RMI2: variants seen among roughly 807,000 people sequenced by gnomAD.
The protein encoded by RMI2 is RecQ mediated genome instability 2, also known as recQ-mediated genome instability protein 2.
A neutral mutation model predicts 8.4 loss-of-function variants in RMI2; 11 were observed. The observed-to-expected ratio is 1.32, with a 90% CI of 0.83 to 2.18. RMI2 has a LOEUF of 2.18. Among genes scored for constraint, RMI2 ranks in the 30% most tolerant of loss-of-function variants. The pLI, the probability that RMI2 is intolerant of heterozygous loss-of-function variation, is 0.00. For synonymous variants in RMI2, 105 were observed against 93.8 expected (o/e 1.12, Z -0.69); for missense variants, 253 against 207.5 (o/e 1.22, Z -1.35).
chr16:11,350,115 A>G (rs577263107), intron 1 of RMI2, among the ~76,000 whole-genome samples: 2 of 152,204 alleles, frequency 1.3e-5, no homozygotes, highest in African/African-American at 4.8e-5. Context: ...TGTCCTGTGC[A>G]CAGAAACCAG....
intron 1 of RMI2, 64 bp downstream of exon 1, chr16:11,345,830 G>A: frequency 8.5e-7 from 1 of 1,173,602 alleles, no homozygotes; most frequent in Admixed American, 4.2e-5. Flanking sequence ...GCCGAGGCCA[G>A]ATTCGATCTT....
chr16:11,347,577 C>T (rs554970337), intron 1 of RMI2, among the ~76,000 whole-genome samples: 1 of 152,274 alleles, frequency 6.6e-6, no homozygotes, highest in East Asian at 1.9e-4. Flanking sequence ...TAGTACTGCA[C>T]CTGGCTCACA....
At position 11,350,594 on chromosome 16, in the gene RMI2, GA is replaced by G; in HGVS notation, c.296-46del. On this transcript the variant is annotated intron_variant, in intron 1 of 1. Transcript: ENST00000312499. ...GACATAGCAAGACTCTGTCTCAAAA[GA>G]AGAAAAAAAAAAAGAACATTACTAT... 1.5e-6 allele frequency: 2 copies of G among 1,295,794 alleles called. 1 individual carries two copies. The highest frequency in any genetic ancestry group is 3.2e-5 in the South Asian group (2 of 63,438). 80.3% of individuals were successfully genotyped at this position (1,295,794 alleles called of 1,614,324 possible).
rs2070931681 is a variant in RMI2, at chr16:11,349,364, G to A, written c.296-1278G>A. ...AGAGACAGCGGAGAGCTGCTTTGGA[G>A]TGGGAGAGGGTGTGGGTAGAACCTA... On this transcript the variant is annotated intron_variant, in intron 1 of 1. Transcript: ENST00000312499. The surrounding 1 kb of genome is among the most constrained non-coding windows in gnomAD (Gnocchi z 4.2). 1.3e-5 allele frequency: 2 copies of A among 152,476 alleles called. No individual in the cohort carries two copies. The highest frequency in any genetic ancestry group is 6.5e-5 in the Admixed American group (1 of 15,284). The allele number at this position is 152,476 out of a possible 1,614,324, so 9.4% of individuals were successfully genotyped here. A position where few individuals can be genotyped will look rare whatever the true frequency, so the allele number is the denominator to read the frequency against.
chr16:11,346,302 C>T (rs1405369509), intron 1 of RMI2, among the ~76,000 whole-genome samples: 3 of 149,778 alleles, frequency 2.0e-5, no homozygotes, highest in African/African-American at 7.4e-5. Flanking sequence ...CTCTGTCGCC[C>T]AGGATGGGGT....
At position 11,345,612 on chromosome 16, in the gene RMI2, G is replaced by T; in HGVS notation, c.141G>T (p.Ala47=). 1 of 1,227,300 alleles carries T rather than the reference G, an allele frequency of 8.1e-7. No individual in the cohort carries two copies. The highest frequency in any genetic ancestry group is 4.2e-5 in the Admixed American group (1 of 23,652). The allele number at this position is 1,227,300 out of a possible 1,614,324, so 76.0% of individuals were successfully genotyped here. The change falls in exon 1 of 2, where the codon GCG becomes GCT. Residue 47 remains alanine, a synonymous_variant. Coordinates refer to ENST00000312499, the MANE Select transcript of RMI2 (RefSeq NM_152308.3). ...GCGCGTGGCGGCTGTCACGGGCGGCGGCGGGCCGCGGGCCGCTGGACCTGG... is the reference window on the plus strand; with the variant it reads ...GCGCGTGGCGGCTGTCACGGGCGGCTGCGGGCCGCGGGCCGCTGGACCTGG... The part of the protein sequence containing the change: ...GPGAWRLSRA[A]AGRGPLDLAA...
chr16:11,351,648 T>C lies in RMI2; in HGVS notation c.*858T>C. Reference sequence around the variant, plus strand: ...GTTTCTGCTGTCTGCTTAGTACCCATGCCTGAATTTTTTGAGATTGTAAAT... The same window carrying C: ...GTTTCTGCTGTCTGCTTAGTACCCACGCCTGAATTTTTTGAGATTGTAAAT... On this transcript the variant is annotated 3_prime_UTR_variant, in exon 2 of 2. Coordinates refer to ENST00000312499, the MANE Select transcript of RMI2 (RefSeq NM_152308.3). The C allele has an allele frequency of 4.3e-6, 1 of 230,540 alleles. No homozygotes were observed. The highest frequency in any genetic ancestry group is 8.6e-6 in the Non-Finnish European group (1 of 116,316). The allele number at this position is 230,540 out of a possible 1,614,324, so 14.3% of individuals were successfully genotyped here. A position where few individuals can be genotyped will look rare whatever the true frequency, so the allele number is the denominator to read the frequency against.
In RMI2 at chr16:11,345,745, G is replaced by T. The variant is rs1280999899; in HGVS notation, c.274G>T (p.Gly92Trp). ...SVRGLERVPR[G>W]RPCLVPGKYV... ...CCGCGGCCTGGAGCGGGTGCCGCGC[G>T]GGCGGCCCTGTCTAGTCCCAGGTAA... The change falls in exon 1 of 2, where the codon GGG (glycine) becomes TGG (tryptophan). Residue 92 changes from glycine (G) to tryptophan (W), a missense_variant. Coordinates refer to ENST00000312499, the MANE Select transcript of RMI2 (RefSeq NM_152308.3). 7.2e-6 allele frequency: 9 copies of T among 1,241,468 alleles called. No homozygotes were observed. The highest frequency in any genetic ancestry group is 4.0e-5 in the South Asian group (1 of 25,306). 76.9% of individuals were successfully genotyped at this position (1,241,468 alleles called of 1,614,324 possible). A position where few individuals can be genotyped will look rare whatever the true frequency, so the allele number is the denominator to read the frequency against.
intron 1 of RMI2, among the ~76,000 whole-genome samples, chr16:11,347,416 C>G (rs1019131451): frequency 6.6e-6 from 1 of 152,192 alleles, no homozygotes; most frequent in African/African-American, 2.4e-5. Context: ...GCTGTGGACT[C>G]GGAAAGGCTT....
At position 11,347,811 on chromosome 16, in the gene RMI2, C is replaced by T. The variant is rs138279328; in HGVS notation, c.295+2045C>T. Among the ~76,000 whole-genome samples, 64 of 152,294 alleles carry T rather than the reference C, an allele frequency of 4.2e-4. 1 individual carries two copies. Among genetic ancestry groups the T allele is most frequent in the Admixed American group, 3.4e-3 (52 of 15,302 alleles). On this transcript the variant is annotated intron_variant, in intron 1 of 1. Transcript: ENST00000312499. ...TATTATTATTTTTGAGACAGAATCT[C>T]GCTCTGTCTCTCAGGCTGGAGTACA...
chr16:11,350,548 C>G (rs2070954772), intron 1 of RMI2, 94 bp from the exon 2 acceptor site: 2 of 1,072,686 alleles, frequency 1.9e-6, no homozygotes, highest in South Asian at 1.9e-5. Context: ...CGAGATTGTG[C>G]CACTGCACTC....
intron 1 of RMI2, among the ~76,000 whole-genome samples, chr16:11,347,281 GCCTTCCCTCA>G (rs1452685203): frequency 6.6e-6 from 1 of 152,190 alleles, no homozygotes. Flanking sequence ...GGCTCCATGG[GCCTTCCCTCA>G]CCTCAGCTCC....
chr16:11,345,793 C>G (rs1597755576), intron 1 of RMI2, 27 bp downstream of exon 1: 1 of 1,228,184 alleles, frequency 8.1e-7, no homozygotes, highest in East Asian at 3.2e-5. Flanking sequence ...ACCGGGCGCC[C>G]TCTTCCCTGC....
intron 1 of RMI2, among the ~76,000 whole-genome samples, chr16:11,347,457 A>G (rs1018396059): frequency 3.3e-5 from 5 of 152,206 alleles, no homozygotes; most frequent in African/African-American, 4.8e-5. Context: ...CCCCTTCCCA[A>G]CTGAGCTGCC....
chr16:11,347,597 C>G (rs2070895331), intron 1 of RMI2, among the ~76,000 whole-genome samples: 1 of 152,086 alleles, frequency 6.6e-6, no homozygotes, highest in Non-Finnish European at 1.5e-5. Flanking sequence ...AGTGAGGATG[C>G]AAAATATCAG....
rs759054808 is a variant in RMI2 at position 11,345,702 on chromosome 16, G to A, written c.231G>A (p.Pro77=). 1.6e-6 allele frequency: 2 copies of A among 1,263,160 alleles called. No homozygotes were observed. Among genetic ancestry groups the A allele is most frequent in the Admixed American group, 3.6e-5 (1 of 28,116 alleles). 78.2% of individuals were successfully genotyped at this position (1,263,160 alleles called of 1,614,324 possible). The change falls in exon 1 of 2, where the codon CCG becomes CCA. Residue 77 remains proline (P), a synonymous_variant. Coordinates refer to ENST00000312499, the MANE Select transcript of RMI2 (RefSeq NM_152308.3). ...GCGGCGAGGCTCGGCTGAGGGACCC[G>A]AGCGGGGACTTCTCGGTCCGCGGCC... ...ADRGEARLRD[P]SGDFSVRGLE...
chr16:11,350,968 G>A lies in RMI2; in HGVS notation c.*178G>A, dbSNP rs1208272680. 11 of 499,144 alleles carry A rather than the reference G, an allele frequency of 2.2e-5. No individual in the cohort carries two copies. Among genetic ancestry groups the A allele is most frequent in the South Asian group, 8.9e-5 (3 of 33,548 alleles). 30.9% of individuals were successfully genotyped at this position (499,144 alleles called of 1,614,324 possible). A position where few individuals can be genotyped will look rare whatever the true frequency, so the allele number is the denominator to read the frequency against. ...AATGTTTAAATCCTCGGATACTTCA[G>A]TGACACAGCCTCTGCTGCCCCTTGC... On this transcript the variant is annotated 3_prime_UTR_variant, in exon 2 of 2. Coordinates refer to ENST00000312499, the MANE Select transcript of RMI2 (RefSeq NM_152308.3).
intron 1 of RMI2, among the ~76,000 whole-genome samples, chr16:11,347,696 G>A (rs1334617632): frequency 1.3e-5 from 2 of 152,280 alleles, no homozygotes; most frequent in South Asian, 4.1e-4. Context: ...CAGCCGCAGC[G>A]TTGGTCTAGG....
In RMI2 at chr16:11,349,818, T is replaced by C. The variant is rs767028521; in HGVS notation, c.296-824T>C. ...TTCCTGCAGCATTTGGAGTTTTCTT[T>C]TACACAATCGGGTTTTATGTGGTTG... On this transcript the variant is annotated intron_variant, in intron 1 of 1. Coordinates refer to ENST00000312499, the MANE Select transcript of RMI2 (RefSeq NM_152308.3). The surrounding 1 kb of genome is among the most constrained non-coding windows in gnomAD (Gnocchi z 4.2). Among the ~76,000 whole-genome samples the C allele has an allele frequency of 3.3e-5, 5 of 152,214 alleles. No individual in the cohort carries two copies. Among genetic ancestry groups the C allele is most frequent in the African/African-American group, 7.2e-5 (3 of 41,454 alleles).
Sources: allele counts gnomAD v4.1 joint callset (sites outside exome capture counted in the v4.1 genomes callset), GRCh38; gene constraint gnomAD v4.1.1; non-coding constraint Gnocchi (gnomAD v3.1); transcripts MANE v1.5; gene names NCBI Gene and HGNC (gene_info 2026-07-23, HGNC 2026-07-21).